LHFPL2: variants seen among roughly 807,000 people sequenced by gnomAD.
LHFPL2 encodes the protein LHFPL tetraspan subfamily member 2.
A neutral mutation model predicts 17.5 loss-of-function variants in LHFPL2; 7 were observed. That is an observed-to-expected ratio of 0.40 (90% CI 0.23 to 0.75). The LOEUF (loss-of-function observed/expected upper bound fraction) is 0.75. Ranked by LOEUF, LHFPL2 falls within the 30% of genes least tolerant of loss-of-function variation. The pLI is 0.37. For synonymous variants in LHFPL2, 134 were observed against 116.2 expected (o/e 1.15, Z -0.99); for missense variants, 241 against 294.8 (o/e 0.82, Z 1.34).
chr5:78,573,184 C>A (rs964095077), intron 2 of LHFPL2, among the ~76,000 whole-genome samples: 2 of 152,150 alleles, frequency 1.3e-5, no homozygotes, highest in African/African-American at 4.8e-5. Context: ...CTCATTTCTA[C>A]AAGATCCATG....
intron 4 of LHFPL2, among the ~76,000 whole-genome samples, chr5:78,505,779 T>C (rs1754914340): frequency 6.6e-6 from 1 of 152,276 alleles, no homozygotes; most frequent in South Asian, 2.1e-4. Flanking sequence ...AATGATTCTA[T>C]AGCTACCATT....
intron 1 of LHFPL2, among the ~76,000 whole-genome samples, chr5:78,643,637 ACT>A (rs1745756420): frequency 6.6e-6 from 1 of 152,226 alleles, no homozygotes. Context: ...ATCAGAGACA[ACT>A]GAAGATGAAA....
intron 1 of LHFPL2, among the ~76,000 whole-genome samples, chr5:78,636,021 C>CACAT (rs1187720874): frequency 1.3e-5 from 2 of 151,854 alleles, no homozygotes; most frequent in African/African-American, 2.4e-5. Flanking sequence ...CACACACACG[C>CACAT]GCACACAAAC....
chr5:78,643,228 T>C (rs188718716), intron 1 of LHFPL2, among the ~76,000 whole-genome samples: 2 of 152,104 alleles, frequency 1.3e-5, no homozygotes, highest in Non-Finnish European at 2.9e-5. Context: ...TCCAAACTTA[T>C]GTGTTATCTT....
chr5:78,615,541 T>C (rs1308380857), intron 2 of LHFPL2, among the ~76,000 whole-genome samples: 1 of 152,234 alleles, frequency 6.6e-6, no homozygotes, highest in Non-Finnish European at 1.5e-5. Context: ...ATTCTTCATC[T>C]GCTCTTTCAT....
chr5:78,534,138 C>G (rs561553005), intron 3 of LHFPL2, among the ~76,000 whole-genome samples: 98 of 152,322 alleles, frequency 6.4e-4, no homozygotes, highest in African/African-American at 2.3e-3. Context: ...GTCGGAGGCT[C>G]TCAGGGGTCC....
chr5:78,602,495 C>T (rs1028058914), intron 2 of LHFPL2, among the ~76,000 whole-genome samples: 2 of 152,156 alleles, frequency 1.3e-5, no homozygotes, highest in African/African-American at 4.8e-5. Flanking sequence ...ATAAGGTTAC[C>T]ACATAGACAT....
At chr5:78,611,149 C>T (rs981440971) in intron 2 of LHFPL2, among the ~76,000 whole-genome samples, 5 of 152,204 alleles carry the variant, frequency 3.3e-5, no homozygotes, top group Non-Finnish European at 5.9e-5. Flanking sequence ...TAAGTGTCCA[C>T]TAAGCAAGGG....
At chr5:78,620,563 C>G (rs1744816069) in intron 2 of LHFPL2, among the ~76,000 whole-genome samples, 1 of 152,172 alleles carries the variant, frequency 6.6e-6, no homozygotes, top group Non-Finnish European at 1.5e-5. Flanking sequence ...ATTCTGCCCT[C>G]TTCCACACCT....
intron 2 of LHFPL2, among the ~76,000 whole-genome samples, chr5:78,578,620 C>CACACACAG (rs1554056806): frequency 6.7e-6 from 1 of 149,608 alleles, no homozygotes; most frequent in South Asian, 2.1e-4. Flanking sequence ...CACACACACA[C>CACACACAG]AGAGACAGGT....
chr5:78,538,421 A>G (rs985774912), intron 3 of LHFPL2, among the ~76,000 whole-genome samples: 2 of 152,138 alleles, frequency 1.3e-5, no homozygotes, highest in African/African-American at 4.8e-5. Flanking sequence ...AGGGGGAAAA[A>G]TCTCAGTGCA....
intron 2 of LHFPL2, among the ~76,000 whole-genome samples, chr5:78,572,466 A>ATATG (rs1757023330): frequency 7.1e-6 from 1 of 141,342 alleles, no homozygotes; most frequent in African/African-American, 3.1e-5. Flanking sequence ...ATGTGTATAT[A>ATATG]CATGTGTATA....
intron 3 of LHFPL2, among the ~76,000 whole-genome samples, chr5:78,540,962 A>G (rs1477150956): frequency 1.3e-5 from 2 of 152,078 alleles, no homozygotes. Context: ...GACAATGCTG[A>G]CCTCTAGCAG....
At chr5:78,523,662 G>C (rs1218708580) in intron 3 of LHFPL2, among the ~76,000 whole-genome samples, 2 of 152,194 alleles carry the variant, frequency 1.3e-5, no homozygotes, top group African/African-American at 4.8e-5. Flanking sequence ...GTCATTGACA[G>C]TCACAGCCTG....
chr5:78,642,340 A>T (rs561963804), intron 1 of LHFPL2, among the ~76,000 whole-genome samples: 1 of 152,204 alleles, frequency 6.6e-6, no homozygotes, highest in African/African-American at 2.4e-5. Context: ...CAATTTTGTC[A>T]GTTACACATC....
intron 2 of LHFPL2, among the ~76,000 whole-genome samples, chr5:78,594,930 C>G (rs928357583): frequency 1.3e-5 from 2 of 152,148 alleles, no homozygotes; most frequent in African/African-American, 2.4e-5. Flanking sequence ...ATGTGGCTAG[C>G]CTTCTGAGTG....
chr5:78,567,108 C>T (rs1048792035), intron 2 of LHFPL2, among the ~76,000 whole-genome samples: 3 of 152,174 alleles, frequency 2.0e-5, no homozygotes, highest in African/African-American at 7.2e-5. Context: ...CTAACAGTAA[C>T]GGAAAAGGCA....
chr5:78,646,569 C>T (rs1745887152), intron 1 of LHFPL2, among the ~76,000 whole-genome samples: 1 of 152,174 alleles, frequency 6.6e-6, no homozygotes, highest in Non-Finnish European at 1.5e-5. Context: ...CCCAATAGCC[C>T]AAATTTGGGT....
At chr5:78,645,551 C>G (rs879306895) in intron 1 of LHFPL2, among the ~76,000 whole-genome samples, 1 of 62,882 alleles carries the variant, frequency 1.6e-5, no homozygotes, top group Non-Finnish European at 3.7e-5. Context: ...CATACACACA[C>G]ACACACACAC....
Sources: allele counts gnomAD v4.1 joint callset (sites outside exome capture counted in the v4.1 genomes callset), GRCh38; gene constraint gnomAD v4.1.1; transcripts MANE v1.5; gene names NCBI Gene and HGNC (gene_info 2026-07-23, HGNC 2026-07-21).